The following DAB1 variants were observed in gnomAD, a reference collection of about 807,000 sequenced individuals.
The protein encoded by DAB1 is DAB adaptor protein 1.
Under a neutral mutation model 64.6 loss-of-function variants are expected in DAB1, and 15 were observed. That is an observed-to-expected ratio of 0.23 (90% confidence interval 0.16 to 0.36). DAB1 has a LOEUF of 0.36. Among genes scored for constraint, DAB1 ranks in the 10% least tolerant of loss-of-function variants. The pLI is 1.00. For missense variants in DAB1, 596 were observed against 706.7 expected, an observed-to-expected ratio of 0.84 and a Z score of 1.78; for synonymous variants, 235 against 251.9, an observed-to-expected ratio of 0.93 and a Z score of 0.64.
chr1:58,300,630 GAGAGAGAGAGAGAGAGA>G (rs1662126891), intron 4 of DAB1, among the ~76,000 whole-genome samples: 1 of 70,930 alleles, frequency 1.4e-5, no homozygotes. Flanking sequence ...GAGAGAGAGA[GAGAGAGAGAGAGAGAGA>G]GGAAGGAAGG....
intron 1 of DAB1, among the ~76,000 whole-genome samples, chr1:57,412,973 T>A (rs77232329): frequency 0.015 from 2,339 of 152,280 alleles, 67 homozygotes; most frequent in African/African-American, 0.053. Context: ...ATGCCTGATT[T>A]CAAAGCTTCA....
intron 7 of DAB1, among the ~76,000 whole-genome samples, chr1:57,571,364 T>A (rs1645192449): frequency 1.3e-5 from 2 of 152,180 alleles, no homozygotes; most frequent in Admixed American, 6.5e-5. Context: ...TTTAGTGTCA[T>A]CCTTACCACC....
chr1:57,007,937 G>A (rs1055438705), intron 14 of DAB1, among the ~76,000 whole-genome samples: 1 of 152,250 alleles, frequency 6.6e-6, no homozygotes, highest in African/African-American at 2.4e-5. Context: ...TTGTGCTGCT[G>A]TCGATGGAGG....
intron 2 of DAB1, among the ~76,000 whole-genome samples, chr1:57,150,615 C>T (rs1450212154): frequency 6.6e-6 from 1 of 152,120 alleles, no homozygotes; most frequent in Non-Finnish European, 1.5e-5. Context: ...TTTTGTTAAG[C>T]AATGTGTTTT....
chr1:57,817,963 A>G (rs1055375531), intron 6 of DAB1, among the ~76,000 whole-genome samples: 4 of 152,240 alleles, frequency 2.6e-5, no homozygotes, highest in African/African-American at 9.6e-5. Flanking sequence ...TTTTTAAAAT[A>G]AGGACTTTTA....
At chr1:57,598,719 A>G (rs1645540392) in intron 7 of DAB1, among the ~76,000 whole-genome samples, 1 of 152,180 alleles carries the variant, frequency 6.6e-6, no homozygotes, top group African/African-American at 2.4e-5. Context: ...AATCAGAGAA[A>G]GCTTCCGAGA....
rs1031374488 is a variant in DAB1, at chr1:57,026,104, T to C, written c.724-61A>G. 39 of 1,252,568 alleles carry C rather than the reference T, an allele frequency of 3.1e-5. No homozygotes were observed. In the African/African-American group the frequency reaches 3.9e-4, roughly 12 times the overall value. 77.6% of individuals were successfully genotyped at this position (1,252,568 alleles called of 1,614,324 possible). On this transcript the variant is annotated intron_variant, in intron 9 of 14. Transcript: ENST00000371236. Reference sequence around the variant, plus strand: ...GAAAGCTGGTGCTGCTGGGCCCTGCTTTACACACAGTATGGTATGGGGATA... The same window carrying C: ...GAAAGCTGGTGCTGCTGGGCCCTGCCTTACACACAGTATGGTATGGGGATA...
intron 5 of DAB1, among the ~76,000 whole-genome samples, chr1:57,974,786 G>A (rs996315124): frequency 8.6e-5 from 13 of 151,846 alleles, no homozygotes; most frequent in African/African-American, 3.1e-4. Flanking sequence ...CATTTGTTAT[G>A]TATACCACAT....
intron 7 of DAB1, among the ~76,000 whole-genome samples, chr1:57,603,586 G>A (rs748954178): frequency 1.3e-5 from 2 of 152,196 alleles, no homozygotes; most frequent in Non-Finnish European, 2.9e-5. Flanking sequence ...AGGCACAACC[G>A]AAGTGCCCTG....
chr1:57,397,073 C>T (rs541931187), intron 1 of DAB1, among the ~76,000 whole-genome samples: 1 of 152,130 alleles, frequency 6.6e-6, no homozygotes, highest in Non-Finnish European at 1.5e-5. Context: ...TTAGAAGGAC[C>T]CTTAGAAACC....
intron 3 of DAB1, among the ~76,000 whole-genome samples, chr1:58,408,399 G>C (rs1195833361): frequency 6.6e-6 from 1 of 152,162 alleles, no homozygotes; most frequent in Non-Finnish European, 1.5e-5. Flanking sequence ...TTTGTAACAA[G>C]TGTTATTTCA....
upstream of DAB1, among the ~76,000 whole-genome samples, chr1:57,425,986 C>G (rs1685270273): frequency 2.0e-5 from 3 of 152,122 alleles, no homozygotes; most frequent in African/African-American, 7.2e-5. Flanking sequence ...GAAAGAGGGA[C>G]AAATCTGAGA....
At chr1:58,127,938 G>A (rs1360563221) in intron 5 of DAB1, among the ~76,000 whole-genome samples, 2 of 152,160 alleles carry the variant, frequency 1.3e-5, no homozygotes, top group African/African-American at 4.8e-5. Context: ...ACTTGGCTAT[G>A]CGGGCTCTTT....
At chr1:57,716,643 C>T (rs967555439) in intron 6 of DAB1, among the ~76,000 whole-genome samples, 2 of 152,026 alleles carry the variant, frequency 1.3e-5, no homozygotes, top group East Asian at 1.9e-4. Context: ...GAAGAAAACA[C>T]AGGGGAAATA....
chr1:58,046,347 G>A (rs150754089), intron 5 of DAB1, among the ~76,000 whole-genome samples: 1 of 152,262 alleles, frequency 6.6e-6, no homozygotes, highest in East Asian at 1.9e-4. Flanking sequence ...GGACATCACG[G>A]CAATTGAAAT....
intron 5 of DAB1, among the ~76,000 whole-genome samples, chr1:58,081,459 G>C (rs748104534): frequency 2.4e-4 from 37 of 152,208 alleles, no homozygotes; most frequent in Non-Finnish European, 4.6e-4. Flanking sequence ...CCATTGATTG[G>C]AACACTTCTG....
intron 4 of DAB1, among the ~76,000 whole-genome samples, chr1:58,314,021 A>C (rs1051243162): frequency 1.8e-4 from 27 of 152,022 alleles, no homozygotes; most frequent in African/African-American, 6.0e-4. Flanking sequence ...ATTCTAACCT[A>C]ATATCATAAT....
At chr1:57,651,058 ATCAG>A (rs1167226321) in intron 6 of DAB1, among the ~76,000 whole-genome samples, 1 of 152,136 alleles carries the variant, frequency 6.6e-6, no homozygotes, top group Non-Finnish European at 1.5e-5. Flanking sequence ...ATTCAAAATA[ATCAG>A]TGACAATAAA....
chr1:58,086,065 G>A (rs941438257), intron 5 of DAB1, among the ~76,000 whole-genome samples: 11 of 143,300 alleles, frequency 7.7e-5, no homozygotes, highest in East Asian at 4.5e-4. Context: ...CCAGGTTCAC[G>A]CCATTCTCCT....
Sources: allele counts gnomAD v4.1 joint callset (sites outside exome capture counted in the v4.1 genomes callset), GRCh38; gene constraint gnomAD v4.1.1; transcripts MANE v1.5; gene names NCBI Gene and HGNC (gene_info 2026-07-23, HGNC 2026-07-21).